Variants in NEDD4L observed in about 807,000 individuals in gnomAD.
The protein encoded by NEDD4L is NEDD4 like E3 ubiquitin protein ligase.
Under a neutral mutation model 148.9 loss-of-function variants are expected in NEDD4L, and 54 were observed. The observed-to-expected ratio is 0.36, with a 90% CI of 0.29 to 0.45. The LOEUF is 0.45. Ranked by LOEUF, NEDD4L falls within the 20% of genes least tolerant of loss-of-function variation. The pLI is 1.00. For synonymous variants in NEDD4L, 433 were observed against 440.7 expected, an observed-to-expected ratio of 0.98 and a Z score of 0.22; for missense variants, 856 against 1,233.8, an observed-to-expected ratio of 0.69 and a Z score of 4.59.
intron 5 of NEDD4L, among the ~76,000 whole-genome samples, chr18:58,309,862 G>C (rs2057482024): frequency 6.6e-6 from 1 of 152,112 alleles, no homozygotes; most frequent in South Asian, 2.1e-4. Context: ...TCACAGCCAA[G>C]TACCTGGAGC....
intron 24 of NEDD4L, among the ~76,000 whole-genome samples, chr18:58,382,220 G>A (rs747165086): frequency 3.9e-5 from 6 of 152,186 alleles, no homozygotes; most frequent in African/African-American, 9.7e-5. Context: ...GTGAGTGCTC[G>A]GGTCAGAGGG....
At chr18:58,087,468 A>ATTTTTCTT (rs929703738) in intron 1 of NEDD4L, among the ~76,000 whole-genome samples, 1 of 151,982 alleles carries the variant, frequency 6.6e-6, no homozygotes, top group African/African-American at 2.4e-5. Flanking sequence ...CATTTTAGGA[A>ATTTTTCTT]TTTTTCTTTT....
intron 6 of NEDD4L, among the ~76,000 whole-genome samples, chr18:58,316,933 ATAAAG>A (rs1233352586): frequency 5.5e-5 from 7 of 127,232 alleles, no homozygotes; most frequent in East Asian, 2.2e-4. Flanking sequence ...TAAATAGTCT[ATAAAG>A]TAAAGTGACT....
chr18:58,224,576 A>G (rs752948381), intron 2 of NEDD4L, among the ~76,000 whole-genome samples: 1 of 152,192 alleles, frequency 6.6e-6, no homozygotes, highest in Non-Finnish European at 1.5e-5. Context: ...TGAGTGATCT[A>G]TCTGAAAGGA....
chr18:58,151,438 G>C (rs1404871579), intron 1 of NEDD4L, among the ~76,000 whole-genome samples: 1 of 152,156 alleles, frequency 6.6e-6, no homozygotes, highest in African/African-American at 2.4e-5. Context: ...ATTATGGTGA[G>C]CTTCAGTAGG....
chr18:58,279,222 T>A (rs1032189750), intron 5 of NEDD4L, among the ~76,000 whole-genome samples: 6 of 152,188 alleles, frequency 3.9e-5, no homozygotes, highest in African/African-American at 1.4e-4. Context: ...GAGTCCAAAG[T>A]GATACAGCCC....
chr18:58,053,840 C>T (rs555259290), intron 1 of NEDD4L, among the ~76,000 whole-genome samples: 61 of 152,278 alleles, frequency 4.0e-4, no homozygotes, highest in African/African-American at 1.4e-3. Context: ...TGAGTTGTCC[C>T]CTTTGAACAT....
chr18:58,316,427 A>G (rs1198923395), intron 6 of NEDD4L, among the ~76,000 whole-genome samples: 1 of 152,178 alleles, frequency 6.6e-6, no homozygotes, highest in Non-Finnish European at 1.5e-5. Flanking sequence ...CTTTGTCTGG[A>G]ACCGCACATG....
intron 24 of NEDD4L, among the ~76,000 whole-genome samples, chr18:58,381,549 G>A (rs1452492548): frequency 6.6e-6 from 1 of 152,216 alleles, no homozygotes; most frequent in Non-Finnish European, 1.5e-5. Context: ...AGGGGAAAGG[G>A]TGGGAGGAAA....
chr18:58,175,910 A>G (rs570103407), intron 2 of NEDD4L, among the ~76,000 whole-genome samples: 2 of 152,336 alleles, frequency 1.3e-5, no homozygotes, highest in Middle Eastern at 6.8e-3. Flanking sequence ...CCAGCCGACC[A>G]GGTTTCCCAG....
At chr18:58,323,948 A>G (rs1358976821) in intron 8 of NEDD4L, among the ~76,000 whole-genome samples, 2 of 152,212 alleles carry the variant, frequency 1.3e-5, no homozygotes, top group South Asian at 4.1e-4. Flanking sequence ...CATATTCTCA[A>G]AGTGTCCATT....
Position 58,322,450 on chromosome 18 carries a change from C to T in NEDD4L, c.374C>T (p.Pro125Leu). Residue 125 changes from proline (P) to leucine (L), a missense_variant, in exon 7 of 31, where the codon CCC becomes CTC. Pro to Leu is a moderately conservative substitution (Grantham distance 98). Transcript: ENST00000400345. ...LPTEDPTMERPYTFKDFLLRP... is the reference protein window; with the variant it reads ...LPTEDPTMERLYTFKDFLLRP... ...ACAGAAGATCCAACCATGGAGCGACCCTATACATTTAAGGACTTTCTCCTC... is the reference window on the plus strand; with the variant it reads ...ACAGAAGATCCAACCATGGAGCGACTCTATACATTTAAGGACTTTCTCCTC... 1 of 1,608,672 alleles carries T rather than the reference C, an allele frequency of 6.2e-7. No homozygotes were observed. The highest frequency in any genetic ancestry group is 8.5e-7 in the Non-Finnish European group (1 of 1,175,802).
intron 25 of NEDD4L, among the ~76,000 whole-genome samples, chr18:58,384,526 T>C (rs1016105041): frequency 4.6e-5 from 7 of 152,354 alleles, no homozygotes; most frequent in South Asian, 2.1e-4. Context: ...GACCCAGGTC[T>C]CAAGTCTGAG....
rs753246939 is a variant in NEDD4L, at chr18:58,183,257, A to G, written c.122+17396A>G. Among the ~76,000 whole-genome samples the G allele has an allele frequency of 1.3e-4, 20 of 152,226 alleles. 1 individual carries two copies. The highest frequency in any genetic ancestry group is 2.5e-4 in the Non-Finnish European group (17 of 68,042). ...CAGCCCAGAGCCACTGGGCCACCCT[A>G]TAAATAAGTTCCTCCAAATAAACCC... is the stretch of plus-strand genomic sequence containing the variant. On this transcript the variant is annotated intron_variant, in intron 2 of 30. Transcript: ENST00000400345.
chr18:58,230,341 A>C (rs960043410), intron 2 of NEDD4L, among the ~76,000 whole-genome samples: 2 of 152,018 alleles, frequency 1.3e-5, no homozygotes, highest in Admixed American at 1.3e-4. Context: ...GCTTTTAGTT[A>C]ATCGAAAGTG....
chr18:58,158,397 A>G (rs184376910), intron 1 of NEDD4L, among the ~76,000 whole-genome samples: 118 of 152,356 alleles, frequency 7.7e-4, no homozygotes, highest in Non-Finnish European at 1.3e-3. Flanking sequence ...CACCTCATGA[A>G]GAAAGAAATA....
chr18:58,236,198 T>A (rs1326275308), intron 2 of NEDD4L, among the ~76,000 whole-genome samples: 1 of 150,802 alleles, frequency 6.6e-6, no homozygotes, highest in East Asian at 2.0e-4. Context: ...CTACAAAAAA[T>A]TTTTAAAAAT....
At chr18:58,375,725 A>G (rs1568899150) in intron 24 of NEDD4L, among the ~76,000 whole-genome samples, 3 of 152,094 alleles carry the variant, frequency 2.0e-5, no homozygotes, top group Non-Finnish European at 2.9e-5. Context: ...GGGTCTCTCC[A>G]GGGCTCAGCA....
At chr18:58,385,286 C>A (rs537668722) in intron 25 of NEDD4L, among the ~76,000 whole-genome samples, 33 of 152,254 alleles carry the variant, frequency 2.2e-4, no homozygotes, top group African/African-American at 7.7e-4. Flanking sequence ...GTCAGCCAAA[C>A]CTTGATGTGG....
Sources: gnomAD v4.1 joint callset for allele counts (sites outside exome capture counted in the v4.1 genomes callset) on GRCh38, gnomAD v4.1.1 for gene constraint, MANE v1.5 for transcripts, NCBI Gene and HGNC (gene_info 2026-07-23, HGNC 2026-07-21) for gene names.